The following PHACTR1 variants were observed in gnomAD, a reference collection of about 807,000 sequenced individuals.
The protein encoded by PHACTR1 is RPEL repeat containing 1.
PHACTR1 carries 16 observed loss-of-function variants against 69.2 expected under a neutral mutation model. That is an observed-to-expected ratio of 0.23 (90% CI 0.16 to 0.35). The LOEUF (loss-of-function observed/expected upper bound fraction) is 0.35, where lower values mean the gene tolerates loss of function less well. Among genes scored for constraint, PHACTR1 ranks in the 10% least tolerant of loss-of-function variants. The pLI, the probability that PHACTR1 is intolerant of heterozygous loss-of-function variation, is 1.00. For missense variants in PHACTR1, 510 were observed against 734.7 expected, an observed-to-expected ratio of 0.69 and a Z score of 3.54; for synonymous variants, 312 against 284.5, an observed-to-expected ratio of 1.10 and a Z score of -0.97.
chr6:12,876,835 C>T (rs1782567800), intron 4 of PHACTR1, among the ~76,000 whole-genome samples: 1 of 152,122 alleles, frequency 6.6e-6, no homozygotes, highest in Non-Finnish European at 1.5e-5. Context: ...CATCTGTAAG[C>T]TGGAGACACA....
intron 4 of PHACTR1, among the ~76,000 whole-genome samples, chr6:12,865,629 A>G (rs1297624690): frequency 6.6e-6 from 1 of 152,160 alleles, no homozygotes; most frequent in African/African-American, 2.4e-5. Flanking sequence ...AAGCTTCACC[A>G]TTGTGAAAGC....
At chr6:12,727,979 A>G (rs1763010321) in intron 3 of PHACTR1, among the ~76,000 whole-genome samples, 1 of 152,042 alleles carries the variant, frequency 6.6e-6, no homozygotes, top group African/African-American at 2.4e-5. Context: ...CATAAAAGCA[A>G]AGCAAGGGGA....
intron 4 of PHACTR1, among the ~76,000 whole-genome samples, chr6:12,981,069 A>C (rs934525077): frequency 1.3e-5 from 2 of 152,256 alleles, no homozygotes; most frequent in African/African-American, 4.8e-5. Context: ...AGAAGTCCTC[A>C]GATATGCAGC....
intron 5 of PHACTR1, among the ~76,000 whole-genome samples, chr6:13,065,519 G>T (rs1213382755): frequency 3.9e-5 from 6 of 152,116 alleles, no homozygotes; most frequent in Non-Finnish European, 7.4e-5. Flanking sequence ...CCACGTAGCT[G>T]GGATTTAGAT....
At chr6:13,175,400 G>A (rs186973362) in intron 6 of PHACTR1, among the ~76,000 whole-genome samples, 155 of 152,270 alleles carry the variant, frequency 1.0e-3, no homozygotes, top group South Asian at 2.3e-3. Context: ...TTTTCAAGGG[G>A]CAGACACTAA....
intron 4 of PHACTR1, among the ~76,000 whole-genome samples, chr6:13,017,379 G>T (rs901230357): frequency 6.6e-6 from 1 of 151,756 alleles, no homozygotes; most frequent in Non-Finnish European, 1.5e-5. Context: ...CAATAAGCTC[G>T]GTTTATTATG....
chr6:13,287,118 A>G lies in PHACTR1; in HGVS notation c.*40A>G, dbSNP rs772089233. 4.5e-6 allele frequency: 7 copies of G among 1,563,618 alleles called. No homozygotes were observed. Among genetic ancestry groups the G allele is most frequent in the Non-Finnish European group, 6.1e-6 (7 of 1,144,366 alleles). ...TTGAGTGCTATGCTGTCTTCAAAAC[A>G]TAAATTTATAAGAACCATAAGTGCT... On this transcript the variant is annotated 3_prime_UTR_variant, in exon 15 of 15. Transcript: ENST00000332995.
At chr6:13,006,145 C>T (rs932625220) in intron 4 of PHACTR1, among the ~76,000 whole-genome samples, 1 of 152,188 alleles carries the variant, frequency 6.6e-6, no homozygotes, top group Non-Finnish European at 1.5e-5. Context: ...ATTAAAAGAG[C>T]AGGATCTGCC....
chr6:12,847,055 G>A (rs1208429855), intron 4 of PHACTR1, among the ~76,000 whole-genome samples: 1 of 152,104 alleles, frequency 6.6e-6, no homozygotes, highest in East Asian at 1.9e-4. Context: ...GAGCTCAAGG[G>A]ATCTGGCCGC....
At chr6:12,877,057 G>A (rs1234685989) in intron 4 of PHACTR1, among the ~76,000 whole-genome samples, 1 of 152,144 alleles carries the variant, frequency 6.6e-6, no homozygotes, top group Non-Finnish European at 1.5e-5. Context: ...CCACGCTGAG[G>A]AAAGAAATCT....
rs141624437 is a variant in PHACTR1 at position 13,255,087 on chromosome 6, G to A, written c.1392-17773G>A. Among the ~76,000 whole-genome samples the A allele has an allele frequency of 2.5e-4, 38 of 152,262 alleles. No homozygotes were observed. The East Asian group carries it at 3.5e-3, about 14-fold the overall frequency. ...CTGCAGGTTGCGCAGGAAACATAGC[G>A]GCTTCTGCTTCTGGGGAGGCCTCAG... On this transcript the variant is annotated intron_variant, in intron 10 of 14. Coordinates refer to ENST00000332995, the MANE Select transcript of PHACTR1 (RefSeq NM_030948.6).
At chr6:12,926,868 C>T (rs1465005456) in intron 4 of PHACTR1, among the ~76,000 whole-genome samples, 3 of 151,872 alleles carry the variant, frequency 2.0e-5, no homozygotes, top group Admixed American at 6.5e-5. Flanking sequence ...TCCCTACATG[C>T]GCTGGTCCTG....
chr6:13,144,315 A>C (rs1822955899), intron 5 of PHACTR1, among the ~76,000 whole-genome samples: 1 of 152,236 alleles, frequency 6.6e-6, no homozygotes, highest in African/African-American at 2.4e-5. Flanking sequence ...ATACAATAAA[A>C]TCTACTCATA....
chr6:13,090,399 T>C (rs1444553714), intron 5 of PHACTR1, among the ~76,000 whole-genome samples: 2 of 148,842 alleles, frequency 1.3e-5, no homozygotes, highest in African/African-American at 5.0e-5. Context: ...GTAGTTGGCT[T>C]ACTGCAACCT....
chr6:13,281,084 C>G (rs1432405710), intron 12 of PHACTR1: 1 of 1,289,506 alleles, frequency 7.8e-7, no homozygotes, highest in African/African-American at 1.5e-5. Flanking sequence ...GTCCAAGGCC[C>G]CGCGATGTTC....
At chr6:12,781,077 G>C (rs948294366) in intron 4 of PHACTR1, among the ~76,000 whole-genome samples, 5 of 152,108 alleles carry the variant, frequency 3.3e-5, no homozygotes, top group Non-Finnish European at 5.9e-5. Context: ...CTCAACTCAG[G>C]ATGCAGAGCC....
chr6:12,957,649 T>C (rs1792064708), intron 4 of PHACTR1: 1 of 985,568 alleles, frequency 1.0e-6, no homozygotes, highest in South Asian at 4.7e-5. Flanking sequence ...CCAACTGTTC[T>C]GGGCTCTGAG....
rs1407809656 is a variant in PHACTR1, at chr6:12,796,065, GT to G, written c.250+46279del. ...AAACTTTGCCAAAACCAACGAAATT[GT>G]TTTATTTTTTTCTAGGTTAAGTTGA... On this transcript the variant is annotated intron_variant, in intron 4 of 14. Transcript: ENST00000332995. Among the ~76,000 whole-genome samples, 36 of 152,092 alleles carry G rather than the reference GT, an allele frequency of 2.4e-4. No individual in the cohort carries two copies. In the East Asian group the frequency reaches 5.8e-3, roughly 24 times the overall value.
At chr6:13,194,112 G>A (rs775820557) in intron 7 of PHACTR1, among the ~76,000 whole-genome samples, 24 of 152,130 alleles carry the variant, frequency 1.6e-4, no homozygotes, top group Non-Finnish European at 2.9e-4. Context: ...CTCTTTGAGA[G>A]CAGTTTCCTG....
Sources: allele counts gnomAD v4.1 joint callset (sites outside exome capture counted in the v4.1 genomes callset), GRCh38; gene constraint gnomAD v4.1.1; transcripts MANE v1.5; gene names NCBI Gene and HGNC (gene_info 2026-07-23, HGNC 2026-07-21).